SS18: variants seen among roughly 807,000 people sequenced by gnomAD.
SS18 encodes the protein SS18 subunit of BAF chromatin remodeling complex.
In SS18, 28 loss-of-function variants were observed where a neutral mutation model predicts 72.5. That is an observed-to-expected ratio of 0.39 (90% CI 0.29 to 0.53). The LOEUF (loss-of-function observed/expected upper bound fraction) is 0.53, where lower values mean the gene tolerates loss of function less well. Among genes scored for constraint, SS18 ranks in the 20% least tolerant of loss-of-function variants. The probability of loss-of-function intolerance (pLI) is 0.76; values close to 1 mark genes in which losing one functional copy is unlikely to be tolerated. For missense variants in SS18, 518 were observed against 535.3 expected (o/e 0.97, Z 0.32); for synonymous variants, 172 against 164.2 (o/e 1.05, Z -0.37).
Position 26,052,771 on chromosome 18 carries a change from A to C in SS18, c.460T>G (p.Ser154Ala), listed in dbSNP as rs777566937. The C allele has an allele frequency of 6.2e-7, 1 of 1,614,124 alleles. No individual in the cohort carries two copies. Among genetic ancestry groups the C allele is most frequent in the Admixed American group, 1.7e-5 (1 of 60,012 alleles). Residue 154 changes from serine (S) to alanine (A), a missense_variant, in exon 5 of 11, where the codon TCA (serine) becomes GCA (alanine). Coordinates refer to ENST00000415083, the MANE Select transcript of SS18 (RefSeq NM_001007559.3). ...NMTNSSMNMP[S>A]SSHGSMGGYN... ...CCTCCCATGGATCCATGGCTACTTG[A>C]AGGCATATTCATGGAACTGTTTGTC...
intron 10 of SS18, among the ~76,000 whole-genome samples, chr18:26,024,670 C>G (rs1425014475): frequency 6.6e-6 from 1 of 151,988 alleles, no homozygotes; most frequent in Non-Finnish European, 1.5e-5. Flanking sequence ...AGAATGGTGA[C>G]TTGTATGATA....
At chr18:26,061,376 T>C (rs2054122068) in intron 3 of SS18, among the ~76,000 whole-genome samples, 2 of 152,038 alleles carry the variant, frequency 1.3e-5, no homozygotes, top group South Asian at 4.1e-4. Context: ...AGCCCTGTAA[T>C]TCTGTAAGAA....
intron 3 of SS18, among the ~76,000 whole-genome samples, chr18:26,060,925 C>CA (rs1355234185): frequency 4.7e-5 from 7 of 149,162 alleles, no homozygotes; most frequent in Non-Finnish European, 8.9e-5. Context: ...CACTGCACTC[C>CA]AGCCTGGGAG....
intron 9 of SS18, 80 bp downstream of exon 9, chr18:26,034,925 A>G: frequency 6.7e-7 from 1 of 1,494,752 alleles, no homozygotes; most frequent in Non-Finnish European, 9.0e-7. Flanking sequence ...TGTAAAAATA[A>G]GTATTAAATA....
upstream of SS18, chr18:26,090,737 C>G (rs1485841652): frequency 1.5e-6 from 1 of 671,234 alleles, no homozygotes; most frequent in Non-Finnish European, 2.5e-6. Flanking sequence ...GGCACTCTGG[C>G]CAGGGATGTC....
intron 10 of SS18, among the ~76,000 whole-genome samples, chr18:26,024,572 T>C (rs2053413289): frequency 1.3e-5 from 2 of 152,122 alleles, no homozygotes; most frequent in Admixed American, 1.3e-4. Context: ...CTGCCTTAGC[T>C]TCCCAAAGTG....
intron 5 of SS18, among the ~76,000 whole-genome samples, chr18:26,046,661 T>A (rs1015850543): frequency 6.6e-6 from 1 of 152,244 alleles, no homozygotes; most frequent in Non-Finnish European, 1.5e-5. Context: ...TTGGGTTTCA[T>A]TTCTAGCATT....
intron 9 of SS18, among the ~76,000 whole-genome samples, chr18:26,032,996 C>T (rs2143840898): frequency 6.6e-6 from 1 of 152,246 alleles, no homozygotes; most frequent in East Asian, 1.9e-4. Flanking sequence ...TTTGCAATCA[C>T]CAAAAGTATA....
chr18:26,040,785 T>C (rs1233659397), intron 5 of SS18, among the ~76,000 whole-genome samples: 4 of 152,200 alleles, frequency 2.6e-5, no homozygotes, highest in African/African-American at 9.6e-5. Context: ...TTTATTCTCA[T>C]AAATGTGAAT....
chr18:26,026,784 T>C (rs1407888670), intron 10 of SS18, among the ~76,000 whole-genome samples: 1 of 152,204 alleles, frequency 6.6e-6, no homozygotes, highest in South Asian at 2.1e-4. Flanking sequence ...AGTAAAGTTA[T>C]AGTTTTGATA....
At chr18:26,052,026 ACAGT>A (rs1255560794) in intron 5 of SS18, among the ~76,000 whole-genome samples, 3 of 152,246 alleles carry the variant, frequency 2.0e-5, no homozygotes, top group Non-Finnish European at 4.4e-5. Context: ...AAATGTTTTA[ACAGT>A]CAATTAGCAG....
At chr18:26,081,168 A>G (rs1238996141) in intron 2 of SS18, 1 of 149,960 alleles carries the variant, frequency 6.7e-6, no homozygotes, top group Non-Finnish European at 1.5e-5. Flanking sequence ...AAATTGCATT[A>G]TTTTATAGCA....
intron 5 of SS18, among the ~76,000 whole-genome samples, chr18:26,046,167 GGGTGA>G (rs2053817961): frequency 7.1e-6 from 1 of 141,170 alleles, no homozygotes; most frequent in South Asian, 2.2e-4. Flanking sequence ...ACTCCAGCCT[GGGTGA>G]CAGAGGAAGA....
At chr18:26,079,355 T>C (rs549220167) in intron 2 of SS18, among the ~76,000 whole-genome samples, 9 of 152,346 alleles carry the variant, frequency 5.9e-5, no homozygotes, top group Admixed American at 2.0e-4. Context: ...CAATCACTAG[T>C]GTTTTGTCTC....
chr18:26,044,923 C>T (rs1451031287), intron 5 of SS18, among the ~76,000 whole-genome samples: 3 of 152,164 alleles, frequency 2.0e-5, no homozygotes, highest in African/African-American at 7.2e-5. Context: ...TGTGTATTAT[C>T]ACACATCTGT....
chr18:26,019,316 T>C (rs1011108644), intron 10 of SS18, among the ~76,000 whole-genome samples: 3 of 152,162 alleles, frequency 2.0e-5, no homozygotes, highest in Admixed American at 6.5e-5. Context: ...TGGAAGCATA[T>C]AATTAGTTAA....
At chr18:26,066,855 C>A (rs145123079) in intron 3 of SS18, among the ~76,000 whole-genome samples, 21 of 152,218 alleles carry the variant, frequency 1.4e-4, no homozygotes, top group African/African-American at 4.6e-4. Flanking sequence ...AGGAATACTG[C>A]CTTTGTGGAA....
intron 5 of SS18, among the ~76,000 whole-genome samples, chr18:26,047,600 G>C (rs1230611270): frequency 6.6e-6 from 1 of 152,004 alleles, no homozygotes; most frequent in Non-Finnish European, 1.5e-5. Flanking sequence ...CCAGCACTTT[G>C]GGAGGCCAAG....
intron 10 of SS18, among the ~76,000 whole-genome samples, chr18:26,031,153 A>T (rs1387227908): frequency 3.3e-5 from 5 of 152,226 alleles, no homozygotes; most frequent in Non-Finnish European, 7.3e-5. Context: ...CTGCCTTTAA[A>T]TACTCACTAG....
Sources: allele counts gnomAD v4.1 joint callset (sites outside exome capture counted in the v4.1 genomes callset), GRCh38; gene constraint gnomAD v4.1.1; transcripts MANE v1.5; gene names NCBI Gene and HGNC (gene_info 2026-07-23, HGNC 2026-07-21).